The following ANKRD12 variants were observed in gnomAD, a reference collection of about 807,000 sequenced individuals.
ANKRD12 encodes the protein ankyrin repeat domain-containing protein 12.
ANKRD12 carries 85 observed loss-of-function variants against 183.4 expected under a neutral mutation model. The observed-to-expected ratio is 0.46, with a 90% CI of 0.39 to 0.56. The LOEUF (loss-of-function observed/expected upper bound fraction) is 0.56. Among genes scored for constraint, ANKRD12 ranks in the 20% least tolerant of loss-of-function variants. ANKRD12 has a pLI of 0.00. For synonymous variants in ANKRD12, 914 were observed against 800.2 expected, an observed-to-expected ratio of 1.14 and a Z score of -2.40; for missense variants, 2,405 against 2,357.1, an observed-to-expected ratio of 1.02 and a Z score of -0.42.
Position 9,241,463 on chromosome 18 carries a change from T to C in ANKRD12, c.944-12748T>C, listed in dbSNP as rs546758584. On this transcript the variant is annotated intron_variant, in intron 8 of 12. Transcript: ENST00000262126. ...CCATTAGTAAACCAAGAACCTTGTT[T>C]TATTTAAGCAGGACTATTAGCTACC... Among the ~76,000 whole-genome samples the C allele has an allele frequency of 3.3e-5, 5 of 152,322 alleles. No homozygotes were observed. The East Asian group carries it at 9.6e-4, about 29-fold the overall frequency.
chr18:9,278,639 A>G (rs755654746), intron 11 of ANKRD12, among the ~76,000 whole-genome samples: 11 of 152,188 alleles, frequency 7.2e-5, no homozygotes, highest in Non-Finnish European at 1.3e-4. Flanking sequence ...TCTAGTAAAA[A>G]TACAAAAATT....
chr18:9,173,048 T>C (rs1273829750), intron 1 of ANKRD12, among the ~76,000 whole-genome samples: 1 of 151,544 alleles, frequency 6.6e-6, no homozygotes, highest in Non-Finnish European at 1.5e-5. Flanking sequence ...TGAGCCACTC[T>C]GCCCAGCTGA....
intron 1 of ANKRD12, among the ~76,000 whole-genome samples, chr18:9,157,797 C>T (rs944097303): frequency 6.6e-6 from 1 of 151,092 alleles, no homozygotes; most frequent in African/African-American, 2.4e-5. Flanking sequence ...TCTTACAAAT[C>T]GATAGGAAAA....
intron 3 of ANKRD12, among the ~76,000 whole-genome samples, chr18:9,197,853 G>A (rs915551729): frequency 1.1e-4 from 16 of 152,146 alleles, no homozygotes; most frequent in Non-Finnish European, 7.4e-5. Context: ...GATCTGTGCA[G>A]TTCAAAATCA....
chr18:9,179,788 G>A (rs923338964), intron 1 of ANKRD12, among the ~76,000 whole-genome samples: 19 of 152,202 alleles, frequency 1.2e-4, no homozygotes, highest in African/African-American at 4.3e-4. Context: ...AAAGTGCTGG[G>A]ATTACAGGTG....
chr18:9,223,861 G>A (rs1292802779), intron 8 of ANKRD12, among the ~76,000 whole-genome samples: 2 of 152,132 alleles, frequency 1.3e-5, no homozygotes, highest in Non-Finnish European at 2.9e-5. Flanking sequence ...CTTACGTGAC[G>A]AGACCAGAGT....
At chr18:9,162,678 A>G (rs2031583195) in intron 1 of ANKRD12, among the ~76,000 whole-genome samples, 1 of 152,194 alleles carries the variant, frequency 6.6e-6, no homozygotes, top group Admixed American at 6.5e-5. Context: ...TAACAGTGTA[A>G]AAGCATTTCT....
chr18:9,246,048 T>G (rs2037944454), intron 8 of ANKRD12, among the ~76,000 whole-genome samples: 1 of 152,228 alleles, frequency 6.6e-6, no homozygotes. Context: ...ATTCTAGACA[T>G]GTAAGATGGA....
At chr18:9,272,189 A>G (rs1243885466) in intron 10 of ANKRD12, among the ~76,000 whole-genome samples, 1 of 152,230 alleles carries the variant, frequency 6.6e-6, no homozygotes, top group Non-Finnish European at 1.5e-5. Flanking sequence ...AAAGTGTACT[A>G]TTTAGATTGT....
chr18:9,251,394 A>T (rs890490402), intron 8 of ANKRD12, among the ~76,000 whole-genome samples: 1 of 152,258 alleles, frequency 6.6e-6, no homozygotes, highest in Non-Finnish European at 1.5e-5. Context: ...TAAATGTTAC[A>T]GTCTTAGTTG....
At chr18:9,277,659 T>C (rs971204311) in intron 11 of ANKRD12, among the ~76,000 whole-genome samples, 11 of 152,154 alleles carry the variant, frequency 7.2e-5, no homozygotes, top group Non-Finnish European at 1.3e-4. Flanking sequence ...AAGTAATTAA[T>C]TAAATTCATT....
intron 8 of ANKRD12, among the ~76,000 whole-genome samples, chr18:9,229,807 C>G (rs1402904725): frequency 6.6e-6 from 1 of 152,172 alleles, no homozygotes; most frequent in African/African-American, 2.4e-5. Context: ...GCTTGCATCC[C>G]TGGTATAAAT....
chr18:9,268,335 C>T (rs2039416232), intron 10 of ANKRD12, among the ~76,000 whole-genome samples: 1 of 152,242 alleles, frequency 6.6e-6, no homozygotes, highest in East Asian at 1.9e-4. Flanking sequence ...GAATTTTAGA[C>T]CAATATCCCT....
intron 1 of ANKRD12, among the ~76,000 whole-genome samples, chr18:9,180,729 T>G (rs559636126): frequency 4.9e-4 from 74 of 152,316 alleles, no homozygotes; most frequent in Non-Finnish European, 1.5e-4. Flanking sequence ...ATTTTTATTG[T>G]TACTGCTGGC....
rs1295840570 is a variant in ANKRD12 at position 9,173,616 on chromosome 18, T to TGG, written c.-51-8757_-51-8756dup. ...TGGGAGCTCCATCCCGGTGGGGTGG[T>TGG]GGGGGGGGGGTAGGGGGGGCAGTAC... On this transcript the variant is annotated intron_variant, in intron 1 of 12. Coordinates refer to ENST00000262126, the MANE Select transcript of ANKRD12 (RefSeq NM_015208.5). Among the ~76,000 whole-genome samples the TGG allele has an allele frequency of 9.9e-3, 276 of 27,834 alleles. 5 individuals carry two copies. The highest frequency in any genetic ancestry group is 0.02 in the African/African-American group (178 of 9,054). 18.3% of individuals were successfully genotyped at this position (27,834 alleles called of 152,430 possible).
chr18:9,163,713 C>G (rs1217378106), intron 1 of ANKRD12, among the ~76,000 whole-genome samples: 1 of 152,058 alleles, frequency 6.6e-6, no homozygotes. Flanking sequence ...TTTCCTTGAC[C>G]AGTGATTTGT....
rs1175418621 is a variant in ANKRD12 at position 9,254,312 on chromosome 18, C to A, written c.1045C>A (p.Pro349Thr). The change falls in exon 9 of 13, where the codon CCC becomes ACC. Residue 349 changes from proline to threonine, a missense_variant. By Grantham distance (38) the Pro-to-Thr change is conservative (BLOSUM62 -1). Coordinates refer to ENST00000262126, the MANE Select transcript of ANKRD12 (RefSeq NM_015208.5). ...SLICESKQIL[P>T]SKTPLPSALD... ...CATCTGTGAAAGTAAACAGATACTT[C>A]CCAGTAAAACACCTCTTCCATCTGC... 1 of 1,612,574 alleles carries A rather than the reference C, an allele frequency of 6.2e-7. No homozygotes were observed. Among genetic ancestry groups the A allele is most frequent in the Admixed American group, 1.7e-5 (1 of 59,846 alleles).
At position 9,174,638 on chromosome 18, in the gene ANKRD12, G is replaced by T. The variant is rs899759201; in HGVS notation, c.-51-7744G>T. ...TTGGCTCCCCAGTGCTCCTGGGTGG[G>T]CCATTGCCACACCCTGCTTTTTTTG... is the stretch of plus-strand genomic sequence containing the variant. On this transcript the variant is annotated intron_variant, in intron 1 of 12. Transcript: ENST00000262126. Among the ~76,000 whole-genome samples the T allele has an allele frequency of 6.6e-5, 10 of 152,314 alleles. No individual in the cohort carries two copies. The South Asian group carries it at 2.1e-3, about 32-fold the overall frequency.
chr18:9,152,542 T>A (rs907175553), intron 1 of ANKRD12, among the ~76,000 whole-genome samples: 8 of 152,076 alleles, frequency 5.3e-5, no homozygotes, highest in African/African-American at 1.7e-4. Flanking sequence ...CTTTTTTTTT[T>A]AAAGTATATT....
Sources: allele counts gnomAD v4.1 joint callset (sites outside exome capture counted in the v4.1 genomes callset), GRCh38; gene constraint gnomAD v4.1.1; transcripts MANE v1.5; gene names NCBI Gene and HGNC (gene_info 2026-07-23, HGNC 2026-07-21).